Variants in DCC observed in about 807,000 individuals in gnomAD.
DCC encodes the protein DCC netrin 1 receptor.
Under a neutral mutation model 172.5 loss-of-function variants are expected in DCC, and 58 were observed. The ratio of observed to expected loss-of-function variants is 0.34; its 90% confidence interval spans 0.27 to 0.42. The LOEUF is 0.42. Ranked by LOEUF, DCC falls within the 10% of genes least tolerant of loss-of-function variation. The probability of loss-of-function intolerance (pLI) is 1.00; values close to 1 mark genes in which losing one functional copy is unlikely to be tolerated. For missense variants in DCC, 1,740 were observed against 1,791.0 expected (o/e 0.97, Z 0.51); for synonymous variants, 709 against 644.5 (o/e 1.10, Z -1.52).
intron 21 of DCC, among the ~76,000 whole-genome samples, chr18:53,430,816 A>G (rs1340311669): frequency 6.6e-6 from 1 of 152,170 alleles, no homozygotes; most frequent in Non-Finnish European, 1.5e-5. Context: ...GAATATAACA[A>G]TGAACAGACT....
chr18:52,950,817 C>T (rs2040629367), intron 5 of DCC, among the ~76,000 whole-genome samples: 1 of 151,094 alleles, frequency 6.6e-6, no homozygotes, highest in African/African-American at 2.4e-5. Context: ...CCCAGCTACT[C>T]GGGAGGCTGT....
At chr18:52,441,573 C>T (rs574536353) in intron 1 of DCC, among the ~76,000 whole-genome samples, 1 of 152,266 alleles carries the variant, frequency 6.6e-6, no homozygotes, top group African/African-American at 2.4e-5. Flanking sequence ...AAAGAGCTTA[C>T]TGTTGAATTT....
intron 12 of DCC, among the ~76,000 whole-genome samples, chr18:53,270,808 T>G (rs2056740192): frequency 6.6e-6 from 1 of 152,182 alleles, no homozygotes; most frequent in Admixed American, 6.5e-5. Context: ...TAAGGCTTTA[T>G]TCATAATTTT....
rs10535247 is a variant in DCC at position 52,342,280 on chromosome 18, CGT to C, written c.91+1422_91+1423del. Among the ~76,000 whole-genome samples the C allele has an allele frequency of 2.6e-3, 384 of 150,152 alleles. 2 individuals carry two copies. The highest frequency in any genetic ancestry group is 6.6e-3 in the African/African-American group (272 of 40,956). On this transcript the variant is annotated intron_variant, in intron 1 of 28. Transcript: ENST00000442544. ...CAGGCAGGAGGGGTGTGTGTGTGTG[CGT>C]GTGTGTGTGTGTGTGTGTGCACGCG...
intron 12 of DCC, among the ~76,000 whole-genome samples, chr18:53,295,848 T>G (rs749040594): frequency 1.3e-5 from 2 of 152,206 alleles, no homozygotes; most frequent in Non-Finnish European, 1.5e-5. Context: ...CTTGATGACT[T>G]GTCCTCCTTT....
At chr18:52,874,248 G>A (rs1270446568) in intron 2 of DCC, among the ~76,000 whole-genome samples, 1 of 152,090 alleles carries the variant, frequency 6.6e-6, no homozygotes, top group Non-Finnish European at 1.5e-5. Context: ...AATCTTATAA[G>A]CCAATTACTT....
At chr18:53,015,086 T>C (rs1346225864) in intron 5 of DCC, among the ~76,000 whole-genome samples, 2 of 152,206 alleles carry the variant, frequency 1.3e-5, no homozygotes, top group Admixed American at 6.5e-5. Context: ...AGAGAAGGAA[T>C]GTCAACAATT....
intron 1 of DCC, among the ~76,000 whole-genome samples, chr18:52,623,795 A>G (rs2144864802): frequency 6.6e-6 from 1 of 151,826 alleles, no homozygotes; most frequent in Non-Finnish European, 1.5e-5. Context: ...TCTAACCTTC[A>G]TTTTAAGATA....
chr18:52,738,386 C>G (rs1171930044), intron 1 of DCC, among the ~76,000 whole-genome samples: 1 of 152,120 alleles, frequency 6.6e-6, no homozygotes, highest in African/African-American at 2.4e-5. Context: ...CAAACCTGTA[C>G]AGCATGTTAT....
intron 1 of DCC, among the ~76,000 whole-genome samples, chr18:52,362,127 T>A (rs1228036997): frequency 6.6e-6 from 1 of 152,228 alleles, no homozygotes; most frequent in Non-Finnish European, 1.5e-5. Flanking sequence ...ATACACCAAA[T>A]GAACCATGAG....
At chr18:53,320,649 C>G (rs941408657) in intron 13 of DCC, among the ~76,000 whole-genome samples, 33 of 152,286 alleles carry the variant, frequency 2.2e-4, no homozygotes, top group African/African-American at 7.0e-4. Context: ...TTGGAAGCAT[C>G]TCTTTGCCAT....
intron 1 of DCC, among the ~76,000 whole-genome samples, chr18:52,541,879 A>G (rs1048077450): frequency 7.3e-6 from 1 of 136,248 alleles, no homozygotes; most frequent in Non-Finnish European, 1.6e-5. Context: ...GTGTGTGTAT[A>G]TATATATATA....
chr18:53,169,413 C>G (rs769794756), intron 8 of DCC, among the ~76,000 whole-genome samples: 1 of 152,130 alleles, frequency 6.6e-6, no homozygotes, highest in Admixed American at 6.6e-5. Flanking sequence ...AATCAGACTT[C>G]GTATATTTGA....
intron 21 of DCC, among the ~76,000 whole-genome samples, chr18:53,419,954 A>G (rs1430617483): frequency 6.6e-6 from 1 of 152,016 alleles, no homozygotes; most frequent in Non-Finnish European, 1.5e-5. Flanking sequence ...CCCAGGTTCA[A>G]GCGATTCTCC....
chr18:52,918,040 C>T (rs927266375), intron 3 of DCC, among the ~76,000 whole-genome samples: 1 of 151,962 alleles, frequency 6.6e-6, no homozygotes, highest in Non-Finnish European at 1.5e-5. Flanking sequence ...CTAGGACCCA[C>T]GCTTATATTT....
At chr18:52,450,508 T>C (rs1988268813) in intron 1 of DCC, among the ~76,000 whole-genome samples, 1 of 152,220 alleles carries the variant, frequency 6.6e-6, no homozygotes, top group African/African-American at 2.4e-5. Flanking sequence ...ATTGTCCTGT[T>C]TTGAACAATA....
intron 1 of DCC, among the ~76,000 whole-genome samples, chr18:52,553,529 C>T (rs1486758804): frequency 6.6e-6 from 1 of 151,922 alleles, no homozygotes; most frequent in African/African-American, 2.4e-5. Flanking sequence ...AATTTCTGTT[C>T]AACAAACATT....
intron 14 of DCC, among the ~76,000 whole-genome samples, chr18:53,323,203 A>G (rs1026838948): frequency 2.0e-5 from 3 of 151,762 alleles, no homozygotes; most frequent in African/African-American, 2.4e-5. Context: ...TAGTTCTTGT[A>G]TTACTTTCTC....
chr18:52,517,710 T>C (rs2031685901), intron 1 of DCC, among the ~76,000 whole-genome samples: 1 of 152,188 alleles, frequency 6.6e-6, no homozygotes, highest in South Asian at 2.1e-4. Flanking sequence ...GATCAAGATA[T>C]AGAATGTTAC....
Sources: gnomAD v4.1 joint callset for allele counts (sites outside exome capture counted in the v4.1 genomes callset) on GRCh38, gnomAD v4.1.1 for gene constraint, MANE v1.5 for transcripts, NCBI Gene and HGNC (gene_info 2026-07-23, HGNC 2026-07-21) for gene names.